MRPL48: variants seen among roughly 807,000 people sequenced by gnomAD.
MRPL48 encodes the protein large ribosomal subunit protein mL48.
Under a neutral mutation model 32.9 loss-of-function variants are expected in MRPL48, and 16 were observed. The ratio of observed to expected loss-of-function variants is 0.49; its 90% CI spans 0.33 to 0.74. The LOEUF (loss-of-function observed/expected upper bound fraction) is 0.74, where lower values mean the gene tolerates loss of function less well. MRPL48 is among the 30% of genes least tolerant of loss of function. The pLI is 0.02. For missense variants in MRPL48, 206 were observed against 245.3 expected (o/e 0.84, Z 1.07); for synonymous variants, 94 against 89.2 (o/e 1.05, Z -0.31).
At chr11:73,798,474 C>A (rs1947299557) in intron 1 of MRPL48, among the ~76,000 whole-genome samples, 1 of 152,112 alleles carries the variant, frequency 6.6e-6, no homozygotes, top group Admixed American at 6.6e-5. Context: ...GGTTTGACTT[C>A]TTGTATGAAA....
intron 1 of MRPL48, chr11:73,789,532 A>G (rs1018147907): frequency 1.1e-4 from 16 of 152,322 alleles, no homozygotes; most frequent in South Asian, 4.1e-4. Context: ...TTACATTTAT[A>G]AGGAAGGTCA....
rs1947291869 is a variant in MRPL48, at chr11:73,798,124, C to G, written c.22-6903C>G. On this transcript the variant is annotated intron_variant, in intron 1 of 7. Transcript: ENST00000310614. Reference sequence around the variant, plus strand: ...TGAGACAGAGTCTCGCTCTGTCGCCCTGGAGGGCAGTGGCATAATCTCGGC... The same window carrying G: ...TGAGACAGAGTCTCGCTCTGTCGCCGTGGAGGGCAGTGGCATAATCTCGGC... Among the ~76,000 whole-genome samples, 3 of 152,194 alleles carry G rather than the reference C, an allele frequency of 2.0e-5. No homozygotes were observed. In the South Asian group the frequency reaches 6.2e-4, roughly 32 times the overall value.
chr11:73,839,441 T>C (rs1565103479), intron 4 of MRPL48, among the ~76,000 whole-genome samples: 2 of 152,326 alleles, frequency 1.3e-5, no homozygotes, highest in African/African-American at 2.4e-5. Context: ...ATGGTGGTAT[T>C]ATCTCATGGA....
At chr11:73,822,228 C>G (rs1380249233) in intron 3 of MRPL48, among the ~76,000 whole-genome samples, 2 of 152,154 alleles carry the variant, frequency 1.3e-5, no homozygotes, top group East Asian at 3.8e-4. Context: ...ACGGTAAACT[C>G]TTACTCTGCT....
chr11:73,843,310 C>T (rs1210618916), intron 4 of MRPL48: 3 of 150,376 alleles, frequency 2.0e-5, no homozygotes, highest in Non-Finnish European at 4.4e-5. Flanking sequence ...ACTTCAACCT[C>T]GCCTCCCAGG....
At chr11:73,788,081 G>A in intron 1 of MRPL48, 89 bp downstream of exon 1, 1 of 1,561,666 alleles carries the variant, frequency 6.4e-7, no homozygotes, top group Non-Finnish European at 8.7e-7. Context: ...CGGGGAGGTG[G>A]CGGCGCGCGG....
At chr11:73,856,220 T>C (rs1948479585) in intron 5 of MRPL48, among the ~76,000 whole-genome samples, 1 of 152,210 alleles carries the variant, frequency 6.6e-6, no homozygotes, top group Admixed American at 6.5e-5. Flanking sequence ...AGCAACTCAA[T>C]TCTCTGCATT....
rs1947067130 is a variant in MRPL48, at chr11:73,787,901, G to A, written c.-71G>A. On this transcript the variant is annotated 5_prime_UTR_variant, in exon 1 of 8. Coordinates refer to ENST00000310614, the MANE Select transcript of MRPL48 (RefSeq NM_016055.6). ...CAAGGCCGTTCCTTCAGTGTTTTCA[G>A]ACGCCCTGGGAACGCGGCTGCAGGG... 1.3e-6 allele frequency: 2 copies of A among 1,582,748 alleles called. No homozygotes were observed. Among genetic ancestry groups the A allele is most frequent in the Non-Finnish European group, 1.7e-6 (2 of 1,161,750 alleles).
chr11:73,809,647 G>A (rs1167738217), intron 3 of MRPL48, among the ~76,000 whole-genome samples: 1 of 152,098 alleles, frequency 6.6e-6, no homozygotes, highest in African/African-American at 2.4e-5. Flanking sequence ...CAAAATGAAT[G>A]TCCATTCAGT....
chr11:73,848,793 T>C (rs1438893163), intron 5 of MRPL48, among the ~76,000 whole-genome samples: 2 of 152,002 alleles, frequency 1.3e-5, no homozygotes, highest in Non-Finnish European at 2.9e-5. Flanking sequence ...TTAAATCCCA[T>C]GGGTAGAAAT....
intron 3 of MRPL48, among the ~76,000 whole-genome samples, chr11:73,822,569 G>A (rs756894053): frequency 1.2e-4 from 18 of 152,206 alleles, no homozygotes; most frequent in Non-Finnish European, 2.1e-4. Flanking sequence ...ATGAAATAGC[G>A]TGGATTGTAA....
chr11:73,845,585 C>A (rs1447815724), intron 5 of MRPL48, among the ~76,000 whole-genome samples: 1 of 151,598 alleles, frequency 6.6e-6, no homozygotes, highest in Non-Finnish European at 1.5e-5. Context: ...CCTGCCTGGG[C>A]AACATAGCGA....
chr11:73,853,763 T>G (rs1453621627), intron 5 of MRPL48, among the ~76,000 whole-genome samples: 2 of 137,922 alleles, frequency 1.5e-5, no homozygotes, highest in African/African-American at 5.4e-5. Flanking sequence ...CGATCTCGGC[T>G]CACTGCAAGC....
intron 4 of MRPL48, among the ~76,000 whole-genome samples, chr11:73,844,489 A>G (rs573706313): frequency 1.3e-5 from 2 of 152,326 alleles, no homozygotes; most frequent in East Asian, 3.9e-4. Flanking sequence ...ATTGAGTAAT[A>G]GAAGGCCAGA....
At chr11:73,805,197 C>T (rs908272753) in intron 2 of MRPL48, 118 bp downstream of exon 2, 1 of 789,828 alleles carries the variant, frequency 1.3e-6, no homozygotes, top group Non-Finnish European at 2.0e-6. Flanking sequence ...ATGCATCTCC[C>T]CTGCCACCTT....
chr11:73,862,749 A>G (rs1437728558), intron 6 of MRPL48, among the ~76,000 whole-genome samples: 2 of 152,034 alleles, frequency 1.3e-5, no homozygotes, highest in African/African-American at 4.8e-5. Flanking sequence ...CCCTGTTTCT[A>G]CCAAAAAATA....
intron 3 of MRPL48, among the ~76,000 whole-genome samples, chr11:73,808,558 C>T (rs1340807445): frequency 9.9e-5 from 15 of 152,158 alleles, no homozygotes; most frequent in Non-Finnish European, 7.4e-5. Context: ...GTTTGGATTC[C>T]AACTGTACTA....
chr11:73,820,600 T>C (rs1381543238), intron 3 of MRPL48, among the ~76,000 whole-genome samples: 1 of 152,162 alleles, frequency 6.6e-6, no homozygotes, highest in African/African-American at 2.4e-5. Flanking sequence ...TCCTTGAATG[T>C]CCCAAGCTGT....
chr11:73,792,584 A>G (rs1372760658), intron 1 of MRPL48, among the ~76,000 whole-genome samples: 1 of 152,240 alleles, frequency 6.6e-6, no homozygotes, highest in African/African-American at 2.4e-5. Flanking sequence ...CAGAATTAGG[A>G]GGACATTAAA....
Sources: allele counts gnomAD v4.1 joint callset (sites outside exome capture counted in the v4.1 genomes callset), GRCh38; gene constraint gnomAD v4.1.1; transcripts MANE v1.5; gene names NCBI Gene and HGNC (gene_info 2026-07-23, HGNC 2026-07-21).